The following NEO1 variants were observed in gnomAD, a reference collection of about 807,000 sequenced individuals.
NEO1 encodes the protein neogenin 1.
NEO1 carries 63 observed loss-of-function variants against 159.7 expected under a neutral mutation model. That is an observed-to-expected ratio of 0.39 (90% CI 0.32 to 0.49). The LOEUF (loss-of-function observed/expected upper bound fraction) is 0.49. Ranked by LOEUF, NEO1 falls within the 20% of genes least tolerant of loss-of-function variation. The pLI is 0.85. For missense variants in NEO1, 1,615 were observed against 1,831.0 expected (o/e 0.88, Z 2.15); for synonymous variants, 633 against 662.0 (o/e 0.96, Z 0.67).
chr15:73,301,478 G>A (rs371887648), intron 28 of NEO1, 21 bp downstream of exon 28: 1 of 1,614,052 alleles, frequency 6.2e-7, no homozygotes, highest in Non-Finnish European at 8.5e-7. Flanking sequence ...GGGGCCATCA[G>A]TCCAGCCAGA....
intron 7 of NEO1, among the ~76,000 whole-genome samples, chr15:73,185,971 TCAGAC>T (rs2035897438): frequency 6.6e-6 from 1 of 151,248 alleles, no homozygotes; most frequent in Non-Finnish European, 1.5e-5. Flanking sequence ...AAAAAGAAGC[TCAGAC>T]AACCCCCAAG....
chr15:73,192,896 T>C (rs528658633), intron 7 of NEO1, among the ~76,000 whole-genome samples: 40 of 152,112 alleles, frequency 2.6e-4, no homozygotes, highest in African/African-American at 9.1e-4. Flanking sequence ...AATAATACAT[T>C]TGAAATTTTT....
chr15:73,200,545 T>C (rs1001784194), intron 7 of NEO1, among the ~76,000 whole-genome samples: 11 of 141,758 alleles, frequency 7.8e-5, no homozygotes, highest in African/African-American at 2.7e-4. Flanking sequence ...GAGAGAGGAC[T>C]GAAAGGGAAG....
intron 25 of NEO1, 26 bp downstream of exon 25, chr15:73,289,264 A>G (rs1325015479): frequency 1.3e-6 from 2 of 1,586,816 alleles, no homozygotes; most frequent in Non-Finnish European, 1.7e-6. Context: ...TCTTTTCCTC[A>G]GTGCTACCAA....
intron 8 of NEO1, among the ~76,000 whole-genome samples, chr15:73,242,487 G>A (rs921289395): frequency 6.6e-6 from 1 of 152,116 alleles, no homozygotes; most frequent in African/African-American, 2.4e-5. Context: ...GGCCAACATG[G>A]CAAAACTTTG....
intron 7 of NEO1, among the ~76,000 whole-genome samples, chr15:73,195,552 C>T (rs1021025322): frequency 6.6e-6 from 1 of 152,060 alleles, no homozygotes; most frequent in African/African-American, 2.4e-5. Context: ...TTAGTATTAA[C>T]ATTTTAAATG....
intron 1 of NEO1, among the ~76,000 whole-genome samples, chr15:73,060,464 A>G (rs1414933370): frequency 2.0e-5 from 3 of 151,846 alleles, no homozygotes; most frequent in Admixed American, 1.3e-4. Flanking sequence ...ACAGGGTTTC[A>G]CCATTAATGG....
At position 73,282,948 on chromosome 15, in the gene NEO1, A is replaced by G. The variant is rs2041792381; in HGVS notation, c.3263-16A>G. ...ATTCTCTAACCCTAACACATGTACC[A>G]TTTCTCTCTCTGCAGGCAGTAACAG... On this transcript the variant is annotated splice_polypyrimidine_tract_variant and intron_variant, in intron 22 of 28. Coordinates refer to ENST00000261908, the MANE Select transcript of NEO1 (RefSeq NM_002499.4). 5 of 1,612,302 alleles carry G rather than the reference A, an allele frequency of 3.1e-6. No homozygotes were observed. Among genetic ancestry groups the G allele is most frequent in the Non-Finnish European group, 4.2e-6 (5 of 1,179,374 alleles).
intron 1 of NEO1, among the ~76,000 whole-genome samples, chr15:73,065,482 T>C (rs929754085): frequency 4.6e-5 from 7 of 152,320 alleles, no homozygotes; most frequent in African/African-American, 1.7e-4. Context: ...GATGTAGAAT[T>C]CTAGGTAAAC....
rs1428519256 is a variant in NEO1 at position 73,274,732 on chromosome 15, A to T, written c.3193+8A>T. ...AAATGCCTAATGATCAAGGTAAATG[A>T]GTAGATGGCCTCTCTTTTCTTTCCT... On this transcript the variant is annotated splice_region_variant and intron_variant, in intron 21 of 28. Transcript: ENST00000261908. 2 of 1,611,492 alleles carry T rather than the reference A, an allele frequency of 1.2e-6. No individual in the cohort carries two copies.
chr15:73,252,828 A>G (rs868686437), intron 11 of NEO1, among the ~76,000 whole-genome samples: 2 of 152,118 alleles, frequency 1.3e-5, no homozygotes, highest in Non-Finnish European at 2.9e-5. Context: ...CGTCTCTACT[A>G]AAAATACAAA....
At position 73,122,809 on chromosome 15, in the gene NEO1, T is replaced by C. The variant is rs777095075; in HGVS notation, c.724+9T>C. On this transcript the variant is annotated intron_variant, in intron 3 of 28. Transcript: ENST00000261908. ...ATTGAAGGTTCTTCCAGGTATTAACTCATTATCAGGACTGATGGTTTTATG... is the reference window on the plus strand; with the variant it reads ...ATTGAAGGTTCTTCCAGGTATTAACCCATTATCAGGACTGATGGTTTTATG... The C allele has an allele frequency of 1.3e-5, 21 of 1,613,544 alleles. No homozygotes were observed. Among genetic ancestry groups the C allele is most frequent in the Non-Finnish European group, 1.8e-5 (21 of 1,179,620 alleles).
chr15:73,123,603 G>A (rs1408304454), intron 3 of NEO1, among the ~76,000 whole-genome samples: 1 of 152,026 alleles, frequency 6.6e-6, no homozygotes, highest in Non-Finnish European at 1.5e-5. Flanking sequence ...CTCAGTTCCT[G>A]CCCCTTCTGG....
chr15:73,068,456 C>T (rs1011100121), intron 1 of NEO1, among the ~76,000 whole-genome samples: 4 of 152,198 alleles, frequency 2.6e-5, no homozygotes, highest in African/African-American at 9.6e-5. Context: ...AAGTCATCCA[C>T]GTGCCTTGGC....
intron 7 of NEO1, among the ~76,000 whole-genome samples, chr15:73,198,270 T>G (rs543485336): frequency 1.7e-4 from 26 of 152,348 alleles, no homozygotes; most frequent in Admixed American, 6.5e-4. Context: ...TCTCATATAC[T>G]GTACATTGTC....
rs186473570 is a variant in NEO1, at chr15:73,256,899, A to G, written c.2093-1867A>G. Among the ~76,000 whole-genome samples, 550 of 152,136 alleles carry G rather than the reference A, an allele frequency of 3.6e-3. 4 individuals are homozygous for G. Among genetic ancestry groups the G allele is most frequent in the African/African-American group, 0.013 (520 of 41,508 alleles). On this transcript the variant is annotated intron_variant, in intron 13 of 28. Transcript: ENST00000261908. ...AGCCCAAGAGTTTGAGACCAGCCTG[A>G]GCAACATGGTCAAACTGTGTCTCTA...
At chr15:73,189,461 C>T (rs1274392527) in intron 7 of NEO1, among the ~76,000 whole-genome samples, 1 of 152,218 alleles carries the variant, frequency 6.6e-6, no homozygotes, top group Admixed American at 6.5e-5. Flanking sequence ...TCTGTCTTTG[C>T]TCTTCTGTGA....
intron 11 of NEO1, 81 bp from the exon 12 acceptor site, chr15:73,253,319 A>C: frequency 6.5e-6 from 5 of 774,606 alleles, no homozygotes; most frequent in Non-Finnish European, 1.0e-5. Flanking sequence ...CATTTGTTTA[A>C]AGTCCAGCCA....
At chr15:73,249,252 G>A in intron 10 of NEO1, 44 bp downstream of exon 10, 3 of 1,593,556 alleles carry the variant, frequency 1.9e-6, no homozygotes, top group Non-Finnish European at 2.6e-6. Flanking sequence ...TGGAATAGTA[G>A]AGTTGAAATA....
Sources: allele counts gnomAD v4.1 joint callset (sites outside exome capture counted in the v4.1 genomes callset), GRCh38; gene constraint gnomAD v4.1.1; transcripts MANE v1.5; gene names NCBI Gene and HGNC (gene_info 2026-07-23, HGNC 2026-07-21).